The following TAFA5 variants were observed in gnomAD, a reference collection of about 807,000 sequenced individuals.
The protein encoded by TAFA5 is chemokine-like protein TAFA-5.
TAFA5 carries 6 observed loss-of-function variants against 15.3 expected under a neutral mutation model. That is an observed-to-expected ratio of 0.39 (90% CI 0.21 to 0.77). The LOEUF (loss-of-function observed/expected upper bound fraction) is 0.77. Among genes scored for constraint, TAFA5 ranks in the 30% least tolerant of loss-of-function variants. The pLI is 0.41. For synonymous variants in TAFA5, 103 were observed against 80.7 expected (o/e 1.28, Z -1.48); for missense variants, 161 against 193.1 (o/e 0.83, Z 0.98).
intron 2 of TAFA5, among the ~76,000 whole-genome samples, chr22:48,674,886 C>T (rs144592623): frequency 2.0e-5 from 3 of 151,828 alleles, no homozygotes; most frequent in South Asian, 2.1e-4. Context: ...GTGACAGAGA[C>T]GAGGCTGAGA....
At position 48,598,452 on chromosome 22, in the gene TAFA5, G is replaced by C. The variant is rs1214118107; in HGVS notation, c.113-48145G>C. Reference sequence around the variant, plus strand: ...TGCTTAGTGTTTATGGCGTGGGGCTGAGGGAGACCACACAGGAAGGGACGT... The same window carrying C: ...TGCTTAGTGTTTATGGCGTGGGGCTCAGGGAGACCACACAGGAAGGGACGT... On this transcript the variant is annotated intron_variant, in intron 1 of 3. Transcript: ENST00000402357. This position sits in a 1 kb window ranked among gnomAD's most constrained non-coding sequence, Gnocchi z 4.0. Among the ~76,000 whole-genome samples the C allele has an allele frequency of 6.6e-6, 1 of 152,144 alleles. No homozygotes were observed. The highest frequency in any genetic ancestry group is 1.5e-5 in the Non-Finnish European group (1 of 68,024).
chr22:48,744,126 G>C (rs374143785), intron 3 of TAFA5, among the ~76,000 whole-genome samples: 1 of 152,192 alleles, frequency 6.6e-6, no homozygotes, highest in Non-Finnish European at 1.5e-5. Context: ...GGGTGGCCTC[G>C]TTCCCAGAAT....
chr22:48,698,425 TGTGATGGTGGTG>T (rs1380922270), intron 2 of TAFA5, among the ~76,000 whole-genome samples: 1 of 143,310 alleles, frequency 7.0e-6, no homozygotes, highest in Non-Finnish European at 1.5e-5. Context: ...TGATGGTGGT[TGTGATGGTGGTG>T]GTGGTGATGG....
intron 2 of TAFA5, among the ~76,000 whole-genome samples, chr22:48,681,967 G>A (rs75911464): frequency 0.021 from 2,543 of 118,816 alleles, 505 homozygotes; most frequent in African/African-American, 0.065. Flanking sequence ...GGAGCTCCCC[G>A]TCAAGCAGAC....
rs1924452571 is a variant in TAFA5 at position 48,588,768 on chromosome 22, G to C, written c.113-57829G>C. On this transcript the variant is annotated intron_variant, in intron 1 of 3. Coordinates refer to ENST00000402357, the MANE Select transcript of TAFA5 (RefSeq NM_001082967.3). Reference sequence around the variant, plus strand: ...TTCAGGTGAGCACAGTGCCTTCGGGGATGCTCCTGGCAGAAGACTCAGGAA... The same window carrying C: ...TTCAGGTGAGCACAGTGCCTTCGGGCATGCTCCTGGCAGAAGACTCAGGAA... Among the ~76,000 whole-genome samples the C allele has an allele frequency of 2.0e-5, 3 of 152,266 alleles. No homozygotes were observed. The South Asian group carries it at 6.2e-4, about 32-fold the overall frequency.
intron 1 of TAFA5, among the ~76,000 whole-genome samples, chr22:48,599,651 A>C (rs1223084844): frequency 1.3e-5 from 2 of 152,218 alleles, no homozygotes; most frequent in African/African-American, 4.8e-5. Context: ...CCTCCACTTC[A>C]CAGGCCCTGC....
At chr22:48,641,229 G>T (rs561156377) in intron 1 of TAFA5, among the ~76,000 whole-genome samples, 20 of 152,222 alleles carry the variant, frequency 1.3e-4, no homozygotes, top group African/African-American at 4.6e-4. Flanking sequence ...GCCTTAGAAT[G>T]TGCCAGGTGG....
intron 2 of TAFA5, among the ~76,000 whole-genome samples, chr22:48,662,350 T>TGGCCTTCTA (rs1927470696): frequency 6.6e-6 from 1 of 151,730 alleles, no homozygotes; most frequent in African/African-American, 2.4e-5. Flanking sequence ...AGGTGACGGA[T>TGGCCTTCTA]CACTCTGATG....
intron 2 of TAFA5, among the ~76,000 whole-genome samples, chr22:48,681,651 CAAAA>C (rs11327855): frequency 2.5e-5 from 3 of 120,732 alleles, no homozygotes; most frequent in Non-Finnish European, 3.5e-5. Context: ...ACTCCATCTC[CAAAA>C]AAAAAAAAAA....
intron 1 of TAFA5, among the ~76,000 whole-genome samples, chr22:48,553,373 C>G (rs988977250): frequency 2.0e-5 from 3 of 152,176 alleles, no homozygotes; most frequent in African/African-American, 4.8e-5. Context: ...TGCCCAGTAC[C>G]CTGACCAAGG....
chr22:48,610,258 G>T (rs1925350351), intron 1 of TAFA5, among the ~76,000 whole-genome samples: 1 of 152,146 alleles, frequency 6.6e-6, no homozygotes. Context: ...GCCGGAGGCT[G>T]CATCCCAGCG....
chr22:48,611,030 T>C (rs1601614146), intron 1 of TAFA5, among the ~76,000 whole-genome samples: 1 of 151,272 alleles, frequency 6.6e-6, no homozygotes, highest in Non-Finnish European at 1.5e-5. Flanking sequence ...ACCTCCTGGG[T>C]TCAAGCGATT....
chr22:48,720,053 C>A (rs2147260203), intron 3 of TAFA5, among the ~76,000 whole-genome samples: 1 of 152,284 alleles, frequency 6.6e-6, no homozygotes, highest in East Asian at 1.9e-4. Context: ...AGAATTTGTT[C>A]TTTGAATCGT....
At chr22:48,651,218 G>A (rs1927042688) in intron 2 of TAFA5, among the ~76,000 whole-genome samples, 1 of 152,226 alleles carries the variant, frequency 6.6e-6, no homozygotes, top group Admixed American at 6.5e-5. Flanking sequence ...GAGCCAGAGG[G>A]GTGAAGGGTG....
At chr22:48,700,962 C>G (rs1190962913) in intron 2 of TAFA5, among the ~76,000 whole-genome samples, 2 of 152,212 alleles carry the variant, frequency 1.3e-5, no homozygotes, top group African/African-American at 4.8e-5. Flanking sequence ...CCCCACTCAG[C>G]TGTCTGCTTC....
At chr22:48,738,390 C>A (rs1930090691) in intron 3 of TAFA5, among the ~76,000 whole-genome samples, 1 of 152,208 alleles carries the variant, frequency 6.6e-6, no homozygotes, top group Admixed American at 6.5e-5. Context: ...TGCAGCCCAG[C>A]GGGTGTCCCA....
intron 1 of TAFA5, among the ~76,000 whole-genome samples, chr22:48,554,178 C>T (rs1029485695): frequency 2.6e-5 from 4 of 152,124 alleles, no homozygotes; most frequent in South Asian, 2.1e-4. Flanking sequence ...AAAGGGCTCC[C>T]GGCAAAAATG....
intron 3 of TAFA5, among the ~76,000 whole-genome samples, chr22:48,728,097 C>T (rs1929762729): frequency 2.0e-5 from 3 of 152,188 alleles, no homozygotes; most frequent in Non-Finnish European, 4.4e-5. Flanking sequence ...ATTTGAGCCA[C>T]ATATCTAAAT....
intron 1 of TAFA5, chr22:48,546,884 C>T (rs1922693788): frequency 1.1e-5 from 3 of 263,044 alleles, no homozygotes; most frequent in South Asian, 3.9e-5. Flanking sequence ...CTGTTACTAC[C>T]GACTGTCTTG....
Sources: allele counts gnomAD v4.1 joint callset (sites outside exome capture counted in the v4.1 genomes callset), GRCh38; gene constraint gnomAD v4.1.1; non-coding constraint Gnocchi (gnomAD v3.1); transcripts MANE v1.5; gene names NCBI Gene and HGNC (gene_info 2026-07-23, HGNC 2026-07-21).